The following RNF144A variants were observed in gnomAD, a reference collection of about 807,000 sequenced individuals.
The protein encoded by RNF144A is E3 ubiquitin-protein ligase RNF144A.
RNF144A carries 11 observed loss-of-function variants against 38.7 expected under a neutral mutation model. That is an observed-to-expected ratio of 0.28 (90% confidence interval 0.18 to 0.47). RNF144A has a LOEUF of 0.47. Ranked by LOEUF, RNF144A falls within the 20% of genes least tolerant of loss-of-function variation. The pLI, the probability that RNF144A is intolerant of heterozygous loss-of-function variation, is 0.99. For missense variants in RNF144A, 316 were observed against 377.2 expected (o/e 0.84, Z 1.34); for synonymous variants, 149 against 143.9 (o/e 1.04, Z -0.25).
chr2:6,926,580 A>G (rs1470212877), intron 1 of RNF144A, among the ~76,000 whole-genome samples: 4 of 152,198 alleles, frequency 2.6e-5, no homozygotes, highest in African/African-American at 9.7e-5. Context: ...TGTGTGTTCC[A>G]TCAATAGGTT....
At chr2:7,006,937 G>A (rs1055094620) in intron 3 of RNF144A, among the ~76,000 whole-genome samples, 5 of 152,158 alleles carry the variant, frequency 3.3e-5, no homozygotes, top group African/African-American at 1.2e-4. Context: ...GCCGATTCCT[G>A]ATAGTGGCTT....
chr2:6,918,103 A>G (rs1664254298), intron 1 of RNF144A, among the ~76,000 whole-genome samples: 1 of 152,024 alleles, frequency 6.6e-6, no homozygotes, highest in African/African-American at 2.4e-5. Context: ...AGGTCTGGGA[A>G]AGGACGACGC....
At chr2:7,032,511 G>A (rs1672380357) in intron 8 of RNF144A, among the ~76,000 whole-genome samples, 1 of 152,252 alleles carries the variant, frequency 6.6e-6, no homozygotes, top group Non-Finnish European at 1.5e-5. Context: ...GGCCCTGCCT[G>A]CTCTGAAACC....
chr2:6,996,909 G>C lies in RNF144A; in HGVS notation c.-11-7G>C. 3 of 1,612,554 alleles carry C rather than the reference G, an allele frequency of 1.9e-6. No homozygotes were observed. The highest frequency in any genetic ancestry group is 1.1e-5 in the South Asian group (1 of 91,012). The stretch of plus-strand genomic sequence containing the variant: ...AGGTCTGACCTTCCGTGCTTCTCTC[G>C]TTTCAGACTGTTCTGCGATGACCAC... On this transcript the variant is annotated splice_polypyrimidine_tract_variant and splice_region_variant and intron_variant, in intron 2 of 8. Coordinates refer to ENST00000320892, the MANE Select transcript of RNF144A (RefSeq NM_014746.6).
At chr2:7,053,223 T>A (rs564820853) in intron 6 of RNF144A, among the ~76,000 whole-genome samples, 74 of 152,344 alleles carry the variant, frequency 4.9e-4, no homozygotes, top group Non-Finnish European at 1.0e-3. Flanking sequence ...GCCTGAGAAT[T>A]AGTCGTAAAT....
intron 1 of RNF144A, among the ~76,000 whole-genome samples, chr2:6,940,160 A>G (rs979181184): frequency 2.0e-5 from 3 of 152,234 alleles, no homozygotes; most frequent in Non-Finnish European, 2.9e-5. Context: ...TTAATATATT[A>G]GTTTGGAAGG....
intron 1 of RNF144A, among the ~76,000 whole-genome samples, chr2:6,939,185 C>T (rs1405438909): frequency 1.3e-5 from 2 of 152,230 alleles, no homozygotes; most frequent in Non-Finnish European, 2.9e-5. Flanking sequence ...AGCTGCACCA[C>T]TTTACATTCT....
chr2:6,979,364 T>C (rs1174179591), intron 2 of RNF144A, among the ~76,000 whole-genome samples: 1 of 152,124 alleles, frequency 6.6e-6, no homozygotes, highest in Non-Finnish European at 1.5e-5. Context: ...AGAGGTGCCT[T>C]CTGTGTGATT....
intron 3 of RNF144A, among the ~76,000 whole-genome samples, chr2:6,997,946 CCA>C (rs200804275): frequency 7.2e-5 from 11 of 151,992 alleles, no homozygotes; most frequent in African/African-American, 2.4e-4. Flanking sequence ...AGTATTCTCA[CCA>C]CACACACACA....
At chr2:6,929,693 T>C (rs1665086938) in intron 1 of RNF144A, among the ~76,000 whole-genome samples, 1 of 152,234 alleles carries the variant, frequency 6.6e-6, no homozygotes, top group Admixed American at 6.5e-5. Flanking sequence ...TTTGGAAGAC[T>C]TTAAATTATA....
chr2:7,038,892 G>A (rs1333275265), intron 8 of RNF144A, among the ~76,000 whole-genome samples: 3 of 151,880 alleles, frequency 2.0e-5, no homozygotes, highest in South Asian at 2.1e-4. Flanking sequence ...ATGATGGATG[G>A]ATGGATAGAT....
intron 3 of RNF144A, among the ~76,000 whole-genome samples, chr2:7,002,300 G>A (rs1015310281): frequency 2.6e-5 from 4 of 152,186 alleles, no homozygotes; most frequent in East Asian, 1.9e-4. Context: ...CCCTGGGTAC[G>A]TAGGTAAGAC....
intron 2 of RNF144A, among the ~76,000 whole-genome samples, chr2:6,971,561 T>G (rs1667999383): frequency 6.6e-6 from 1 of 152,176 alleles, no homozygotes. Flanking sequence ...ACCTTTCACT[T>G]TTGCAGTCTT....
intron 2 of RNF144A, among the ~76,000 whole-genome samples, chr2:6,990,884 A>G (rs1337865244): frequency 1.3e-5 from 2 of 151,910 alleles, no homozygotes; most frequent in Non-Finnish European, 2.9e-5. Context: ...TGATCTTTTT[A>G]TTGTCCTTAT....
chr2:6,958,681 C>A lies in RNF144A; in HGVS notation c.-12+17534C>A, dbSNP rs553910849. Among the ~76,000 whole-genome samples the A allele has an allele frequency of 2.0e-5, 3 of 152,142 alleles. No homozygotes were observed. Among genetic ancestry groups the A allele is most frequent in the Non-Finnish European group, 4.4e-5 (3 of 68,038 alleles). On this transcript the variant is annotated intron_variant, in intron 2 of 8. Coordinates refer to ENST00000320892, the MANE Select transcript of RNF144A (RefSeq NM_014746.6). The surrounding 1 kb of genome is among the most constrained non-coding windows in gnomAD (Gnocchi z 4.5). ...GTTCATGATTCTGGGGGACTGTCCA[C>A]GTGACCGTAATCTATTTCCCAGAGG...
chr2:6,995,281 A>G (rs1006915726), intron 2 of RNF144A, among the ~76,000 whole-genome samples: 6 of 151,972 alleles, frequency 3.9e-5, no homozygotes, highest in African/African-American at 1.5e-4. Context: ...TAAGTCCCAA[A>G]CCTACCTGTG....
Position 7,042,855 on chromosome 2 carries a change from C to T in RNF144A, c.*3095C>T. Reference sequence around the variant, plus strand: ...ACAGAGGAACCAACATCTGCCACCTCTGGCATTTTCTTTCTTTTTTTTTCT... The same window carrying T: ...ACAGAGGAACCAACATCTGCCACCTTTGGCATTTTCTTTCTTTTTTTTTCT... On this transcript the variant is annotated 3_prime_UTR_variant, in exon 9 of 9. Coordinates refer to ENST00000320892, the MANE Select transcript of RNF144A (RefSeq NM_014746.6). 1.0e-6 allele frequency: 1 copy of T among 985,378 alleles called. No homozygotes were observed. The highest frequency in any genetic ancestry group is 1.2e-6 in the Non-Finnish European group (1 of 829,876). 61.0% of individuals were successfully genotyped at this position (985,378 alleles called of 1,614,324 possible). A position where few individuals can be genotyped will look rare whatever the true frequency, so the allele number is the denominator to read the frequency against.
At chr2:7,003,237 G>A (rs1207027887) in intron 3 of RNF144A, among the ~76,000 whole-genome samples, 2 of 152,138 alleles carry the variant, frequency 1.3e-5, no homozygotes, top group Admixed American at 1.3e-4. Flanking sequence ...TTGAAGAATG[G>A]AGTTTTTATC....
At chr2:7,046,865 A>C (rs1036303528), downstream of RNF144A, among the ~76,000 whole-genome samples, 3 of 152,208 alleles carry the variant, frequency 2.0e-5, no homozygotes, top group South Asian at 2.1e-4. Context: ...TCTTTTTAAA[A>C]TATATTTTTA....
Sources: allele counts gnomAD v4.1 joint callset (sites outside exome capture counted in the v4.1 genomes callset), GRCh38; gene constraint gnomAD v4.1.1; non-coding constraint Gnocchi (gnomAD v3.1); transcripts MANE v1.5; gene names NCBI Gene and HGNC (gene_info 2026-07-23, HGNC 2026-07-21).